Variants in PLXNA2 observed in about 807,000 individuals in gnomAD.
PLXNA2 encodes plexin A2.
In PLXNA2, 91 loss-of-function variants were observed where a neutral mutation model predicts 193.5. That is an observed-to-expected ratio of 0.47 (90% confidence interval 0.40 to 0.56). The LOEUF is 0.56. PLXNA2 is among the 20% of genes least tolerant of loss of function. The pLI, the probability that PLXNA2 is intolerant of heterozygous loss-of-function variation, is 0.00. For synonymous variants in PLXNA2, 997 were observed against 1,027.3 expected, an observed-to-expected ratio of 0.97 and a Z score of 0.56; for missense variants, 1,995 against 2,503.2, an observed-to-expected ratio of 0.80 and a Z score of 4.33.
At chr1:208,092,638 G>T (rs1452489060) in intron 9 of PLXNA2, 148 bp downstream of exon 9, 2 of 547,650 alleles carry the variant, frequency 3.7e-6, no homozygotes, top group Admixed American at 3.1e-5. Context: ...TATAATAACA[G>T]GGCTTTCTAG....
At chr1:208,103,621 C>T (rs1445582341) in intron 4 of PLXNA2, among the ~76,000 whole-genome samples, 1 of 152,224 alleles carries the variant, frequency 6.6e-6, no homozygotes, top group East Asian at 1.9e-4. Flanking sequence ...GAGCTTTCAG[C>T]TGGGCTTGGG....
intron 12 of PLXNA2, among the ~76,000 whole-genome samples, chr1:208,064,479 A>G (rs539464208): frequency 3.9e-5 from 6 of 151,950 alleles, no homozygotes; most frequent in Admixed American, 2.0e-4. Context: ...GCCCTGCCCT[A>G]TCGGTGGTTC....
chr1:208,219,761 C>T (rs902134220), intron 1 of PLXNA2, among the ~76,000 whole-genome samples: 2 of 152,286 alleles, frequency 1.3e-5, no homozygotes, highest in African/African-American at 4.8e-5. Flanking sequence ...CCAGGGTGTT[C>T]GGGGTGACTC....
At chr1:208,076,929 T>C (rs1272819491) in intron 12 of PLXNA2, among the ~76,000 whole-genome samples, 1 of 152,216 alleles carries the variant, frequency 6.6e-6, no homozygotes, top group Non-Finnish European at 1.5e-5. Context: ...TGAAAGTTCT[T>C]TGTACTATTT....
chr1:208,089,233 A>T (rs887385090), intron 9 of PLXNA2, among the ~76,000 whole-genome samples: 2 of 152,162 alleles, frequency 1.3e-5, no homozygotes, highest in Non-Finnish European at 2.9e-5. Flanking sequence ...CAGTTTCTCC[A>T]TCTGTGGAGA....
chr1:208,127,937 T>A (rs1403794562), intron 4 of PLXNA2, among the ~76,000 whole-genome samples: 1 of 152,128 alleles, frequency 6.6e-6, no homozygotes, highest in East Asian at 1.9e-4. Flanking sequence ...TTTAGGAATC[T>A]GATCATGAAG....
chr1:208,154,016 A>T (rs1278437558), intron 3 of PLXNA2, among the ~76,000 whole-genome samples: 1 of 123,462 alleles, frequency 8.1e-6, no homozygotes, highest in Non-Finnish European at 1.6e-5. Flanking sequence ...GATCATTCTA[A>T]TCAAGGTGGG....
At chr1:208,124,062 A>T (rs1667887547) in intron 4 of PLXNA2, among the ~76,000 whole-genome samples, 1 of 152,188 alleles carries the variant, frequency 6.6e-6, no homozygotes, top group Non-Finnish European at 1.5e-5. Flanking sequence ...GTCTAGGGCC[A>T]CTGGTAAAGA....
At position 208,024,260 on chromosome 1, in the gene PLXNA2, C is replaced by T. The variant is rs1055769711; in HGVS notation, c.*2983G>A. ...AGGAGCTGTGGCTTTAACACTTCAT[C>T]CTTACCCAAGGTCAAAATATCCTCA... is the stretch of plus-strand genomic sequence containing the variant. On this transcript the variant is annotated 3_prime_UTR_variant, in exon 32 of 32. Transcript: ENST00000367033. The T allele has an allele frequency of 1.3e-5, 2 of 152,162 alleles. No individual in the cohort carries two copies. Among genetic ancestry groups the T allele is most frequent in the Non-Finnish European group, 2.9e-5 (2 of 68,052 alleles). 9.4% of individuals were successfully genotyped at this position (152,162 alleles called of 1,614,324 possible).
rs1664396703 is a variant in PLXNA2, at chr1:208,028,211, T to C, written c.5439-52A>G. ...GTGGAGGCCTCAGCAAACATTTACCTATAGCTACCCCGGGCCCAGGTCCTT... is the reference window on the plus strand; with the variant it reads ...GTGGAGGCCTCAGCAAACATTTACCCATAGCTACCCCGGGCCCAGGTCCTT... On this transcript the variant is annotated intron_variant, in intron 30 of 31. Transcript: ENST00000367033. The surrounding 1 kb of genome is among the most constrained non-coding windows in gnomAD (Gnocchi z 4.2). The C allele has an allele frequency of 6.5e-7, 1 of 1,533,114 alleles. No homozygotes were observed. The highest frequency in any genetic ancestry group is 1.9e-5 in the Admixed American group (1 of 51,518). The allele number at this position is 1,533,114 out of a possible 1,614,324, so 95.0% of individuals were successfully genotyped here.
At chr1:208,118,940 A>T (rs1667724647) in intron 4 of PLXNA2, among the ~76,000 whole-genome samples, 1 of 152,136 alleles carries the variant, frequency 6.6e-6, no homozygotes, top group Admixed American at 6.6e-5. Context: ...TGCTTATTAA[A>T]ATTACTGTTT....
chr1:208,093,540 G>A (rs774267164), intron 8 of PLXNA2, among the ~76,000 whole-genome samples: 1 of 152,222 alleles, frequency 6.6e-6, no homozygotes, highest in Non-Finnish European at 1.5e-5. Flanking sequence ...TTCGAAAAAT[G>A]CCATGCTAAA....
Position 208,051,442 on chromosome 1 carries a change from G to A in PLXNA2, c.2994-19C>T, listed in dbSNP as rs2102335095. ...TGACCTCCTGACAGGGAGACAGCAGGAGGGTTGAGAAGAAAGGCATGGGCA... is the reference window on the plus strand; with the variant it reads ...TGACCTCCTGACAGGGAGACAGCAGAAGGGTTGAGAAGAAAGGCATGGGCA... On this transcript the variant is annotated intron_variant, in intron 15 of 31. Coordinates refer to ENST00000367033, the MANE Select transcript of PLXNA2 (RefSeq NM_025179.4). The A allele has an allele frequency of 6.2e-7, 1 of 1,602,144 alleles. No homozygotes were observed. The highest frequency in any genetic ancestry group is 8.5e-7 in the Non-Finnish European group (1 of 1,176,496).
At chr1:208,032,451 G>A (rs1664532265) in intron 28 of PLXNA2, among the ~76,000 whole-genome samples, 1 of 152,168 alleles carries the variant, frequency 6.6e-6, no homozygotes, top group African/African-American at 2.4e-5. Context: ...GAGCATATTA[G>A]GCAAAGCTAA....
At chr1:208,098,302 G>C (rs1319373351) in intron 6 of PLXNA2, among the ~76,000 whole-genome samples, 1 of 152,136 alleles carries the variant, frequency 6.6e-6, no homozygotes. Context: ...ATAATGCAGG[G>C]CCTGAGGACA....
chr1:208,195,076 G>C (rs1229284169), intron 3 of PLXNA2, among the ~76,000 whole-genome samples: 1 of 152,176 alleles, frequency 6.6e-6, no homozygotes, highest in Non-Finnish European at 1.5e-5. Context: ...AGCAGGAAGA[G>C]GTAGGGGTGG....
At chr1:208,176,539 T>C (rs899969381) in intron 3 of PLXNA2, among the ~76,000 whole-genome samples, 1 of 152,000 alleles carries the variant, frequency 6.6e-6, no homozygotes, top group Non-Finnish European at 1.5e-5. Flanking sequence ...CAAGAAAAAG[T>C]CCCACAGTGA....
At chr1:208,037,316 C>T (rs541280967) in intron 26 of PLXNA2, among the ~76,000 whole-genome samples, 28 of 152,218 alleles carry the variant, frequency 1.8e-4, no homozygotes, top group African/African-American at 5.1e-4. Context: ...GAGGTGCAGG[C>T]GAGTCAGGGG....
chr1:208,153,986 T>C (rs1668854260), intron 3 of PLXNA2, among the ~76,000 whole-genome samples: 1 of 151,312 alleles, frequency 6.6e-6, no homozygotes, highest in African/African-American at 2.4e-5. Flanking sequence ...AATTAATTCA[T>C]TGCTATTCTT....
Sources: gnomAD v4.1 joint callset for allele counts (sites outside exome capture counted in the v4.1 genomes callset) on GRCh38, gnomAD v4.1.1 for gene constraint, Gnocchi (gnomAD v3.1) non-coding constraint, MANE v1.5 for transcripts, NCBI Gene and HGNC (gene_info 2026-07-23, HGNC 2026-07-21) for gene names.